ANO6: variants seen among roughly 807,000 people sequenced by gnomAD.
ANO6 encodes the protein anoctamin 6, also known as anoctamin-6.
A neutral mutation model predicts 117.5 loss-of-function variants in ANO6; 106 were observed. The ratio of observed to expected loss-of-function variants is 0.90; its 90% CI spans 0.77 to 1.06. ANO6 has a LOEUF of 1.06. Ranked by LOEUF, ANO6 falls within the 50% of genes least tolerant of loss-of-function variation. The pLI is 0.00. For synonymous variants in ANO6, 367 were observed against 385.1 expected (o/e 0.95, Z 0.55); for missense variants, 955 against 1,121.1 (o/e 0.85, Z 2.12).
At position 45,430,865 on chromosome 12, in the gene ANO6, A is replaced by G. The variant is rs1943615422; in HGVS notation, c.*1554A>G. On this transcript the variant is annotated 3_prime_UTR_variant, in exon 20 of 20. Coordinates refer to ENST00000320560, the MANE Select transcript of ANO6 (RefSeq NM_001025356.3). ...GGTAACAGGTCATTGCTGGGTGCAC[A>G]AGAGGGAGGTGATTTGCATCATGGT... is the stretch of plus-strand genomic sequence containing the variant. 1.0e-6 allele frequency: 1 copy of G among 985,360 alleles called. No homozygotes were observed. 61.0% of individuals were successfully genotyped at this position (985,360 alleles called of 1,614,324 possible). A position where few individuals can be genotyped will look rare whatever the true frequency, so the allele number is the denominator to read the frequency against.
chr12:45,360,205 AC>A (rs1383197437), intron 8 of ANO6, among the ~76,000 whole-genome samples: 27 of 152,234 alleles, frequency 1.8e-4, no homozygotes, highest in Non-Finnish European at 2.6e-4. Flanking sequence ...GTAACACAGT[AC>A]CACAGACCAG....
chr12:45,268,368 A>G (rs1236356927), intron 1 of ANO6, among the ~76,000 whole-genome samples: 6 of 152,018 alleles, frequency 3.9e-5, no homozygotes, highest in African/African-American at 1.5e-4. Context: ...AAAAATACAA[A>G]AATTAGCCAG....
At chr12:45,353,183 T>A (rs1208688151) in intron 7 of ANO6, among the ~76,000 whole-genome samples, 1 of 152,224 alleles carries the variant, frequency 6.6e-6, no homozygotes. Flanking sequence ...CTATCAACGA[T>A]CATTACTTAG....
rs1565778980 is a variant in ANO6 at position 45,430,657 on chromosome 12, G to T, written c.*1346G>T. The T allele has an allele frequency of 1.0e-6, 1 of 985,400 alleles. No homozygotes were observed. The highest frequency in any genetic ancestry group is 1.2e-6 in the Non-Finnish European group (1 of 829,932). 61.0% of individuals were successfully genotyped at this position (985,400 alleles called of 1,614,324 possible). A position where few individuals can be genotyped will look rare whatever the true frequency, so the allele number is the denominator to read the frequency against. On this transcript the variant is annotated 3_prime_UTR_variant, in exon 20 of 20. Transcript: ENST00000320560. ...CAGTTAAGAGTAATAAAGGAAAAGG[G>T]TTTGGTCACAAACCCTACCATTATC...
At chr12:45,262,579 C>T (rs1466050362) in intron 1 of ANO6, among the ~76,000 whole-genome samples, 1 of 152,102 alleles carries the variant, frequency 6.6e-6, no homozygotes, top group East Asian at 1.9e-4. Flanking sequence ...TGTGTGCCAC[C>T]ACACCTGGCT....
intron 1 of ANO6, among the ~76,000 whole-genome samples, chr12:45,288,227 G>A (rs757132598): frequency 3.9e-5 from 6 of 152,034 alleles, no homozygotes; most frequent in Admixed American, 6.6e-5. Flanking sequence ...TGTGTGTGGT[G>A]GTGCAATACA....
chr12:45,416,132 C>T (rs1050249017), intron 16 of ANO6, among the ~76,000 whole-genome samples: 3 of 152,176 alleles, frequency 2.0e-5, no homozygotes, highest in Non-Finnish European at 4.4e-5. Context: ...ACACTTTTAT[C>T]ACATATATTT....
intron 1 of ANO6, among the ~76,000 whole-genome samples, chr12:45,263,367 CTTTTTTTTTTTTT>C (rs72457782): frequency 1.3e-5 from 1 of 79,178 alleles, no homozygotes; most frequent in Non-Finnish European, 2.3e-5. Context: ...CTGGCCTGGC[CTTTTTTTTTTTTT>C]TTTTTTTTTC....
intron 1 of ANO6, among the ~76,000 whole-genome samples, chr12:45,263,349 C>T (rs1938108054): frequency 6.8e-6 from 1 of 147,456 alleles, no homozygotes; most frequent in Non-Finnish European, 1.5e-5. Context: ...GGACTACAAC[C>T]ATCATGCCTG....
chr12:45,362,984 A>G (rs1237068284), intron 8 of ANO6, among the ~76,000 whole-genome samples: 2 of 152,110 alleles, frequency 1.3e-5, no homozygotes, highest in South Asian at 2.1e-4. Flanking sequence ...AGTTAGTTCT[A>G]TCTCTGCTTT....
At chr12:45,406,530 A>C (rs1592028380) in intron 15 of ANO6, among the ~76,000 whole-genome samples, 1 of 152,244 alleles carries the variant, frequency 6.6e-6, no homozygotes, top group African/African-American at 2.4e-5. Context: ...CTTTATATAC[A>C]TTTATACATG....
intron 10 of ANO6, among the ~76,000 whole-genome samples, chr12:45,381,023 G>A (rs977169394): frequency 6.6e-6 from 1 of 152,110 alleles, no homozygotes; most frequent in Non-Finnish European, 1.5e-5. Context: ...TGCCTCTGTG[G>A]GTTACGAGGC....
At chr12:45,408,349 A>C (rs1942996927) in intron 15 of ANO6, among the ~76,000 whole-genome samples, 2 of 152,196 alleles carry the variant, frequency 1.3e-5, no homozygotes, top group African/African-American at 4.8e-5. Context: ...TTGAGGGGAC[A>C]ACAGTTCTCT....
chr12:45,369,459 A>G (rs891581419), intron 9 of ANO6, among the ~76,000 whole-genome samples: 11 of 152,050 alleles, frequency 7.2e-5, no homozygotes, highest in African/African-American at 2.4e-4. Context: ...ACCCTCCTTA[A>G]GCACATGACT....
At chr12:45,426,634 A>C (rs1003484555) in intron 19 of ANO6, among the ~76,000 whole-genome samples, 1 of 151,896 alleles carries the variant, frequency 6.6e-6, no homozygotes, top group African/African-American at 2.4e-5. Flanking sequence ...TGAAAATCTG[A>C]CTTCAGATTT....
chr12:45,302,074 A>G lies in ANO6; in HGVS notation c.131A>G (p.Asp44Gly), dbSNP rs758708927. The change falls in exon 2 of 20, where the codon GAT becomes GGT. Residue 44 changes from aspartate to glycine, a missense_variant. Coordinates refer to ENST00000320560, the MANE Select transcript of ANO6 (RefSeq NM_001025356.3). ...PDLGSLESQHDFRTPEFEEFN... is the reference protein window; with the variant it reads ...PDLGSLESQHGFRTPEFEEFN... ...TTGGGATCACTGGAAAGTCAGCATG[A>G]TTTTCGAACCCCGGAGTTTGTGAGT... 3 of 1,613,962 alleles carry G rather than the reference A, an allele frequency of 1.9e-6. No homozygotes were observed. The highest frequency in any genetic ancestry group is 3.3e-5 in the Admixed American group (2 of 60,002).
At chr12:45,385,373 G>A (rs1942271764) in intron 10 of ANO6, among the ~76,000 whole-genome samples, 2 of 152,104 alleles carry the variant, frequency 1.3e-5, no homozygotes, top group South Asian at 2.1e-4. Flanking sequence ...TCAGGGGTGG[G>A]GGCATATGCA....
chr12:45,395,122 G>A (rs1362994028), intron 12 of ANO6, among the ~76,000 whole-genome samples: 1 of 151,842 alleles, frequency 6.6e-6, no homozygotes, highest in African/African-American at 2.4e-5. Context: ...AAAGAGAGAA[G>A]AATCAAGTAG....
chr12:45,259,670 A>C (rs1437449419), intron 1 of ANO6, among the ~76,000 whole-genome samples: 2 of 152,190 alleles, frequency 1.3e-5, no homozygotes, highest in Non-Finnish European at 2.9e-5. Context: ...TATTTGCTCC[A>C]ACTAAGCCAT....
Sources: allele counts gnomAD v4.1 joint callset (sites outside exome capture counted in the v4.1 genomes callset), GRCh38; gene constraint gnomAD v4.1.1; transcripts MANE v1.5; gene names NCBI Gene and HGNC (gene_info 2026-07-23, HGNC 2026-07-21).